Variants in NLRP11 observed in about 807,000 individuals in gnomAD.
NLRP11 encodes NACHT, LRR and PYD domains-containing protein 11.
In NLRP11, 53 loss-of-function variants were observed where a neutral mutation model predicts 79.3. That is an observed-to-expected ratio of 0.67 (90% confidence interval 0.54 to 0.84). The LOEUF is 0.84. Among genes scored for constraint, NLRP11 ranks in the 40% least tolerant of loss-of-function variants. NLRP11 has a pLI of 0.00. For synonymous variants in NLRP11, 518 were observed against 462.6 expected (o/e 1.12, Z -1.54); for missense variants, 1,264 against 1,255.0 (o/e 1.01, Z -0.11).
At chr19:55,815,248 G>T (rs1195881076) in intron 2 of NLRP11, among the ~76,000 whole-genome samples, 1 of 152,162 alleles carries the variant, frequency 6.6e-6, no homozygotes, top group East Asian at 1.9e-4. Context: ...TTAGCAAGAG[G>T]CTGGGCACGG....
Position 55,789,307 on chromosome 19 carries a change from C to T in NLRP11, c.2606G>A (p.Ser869Asn), listed in dbSNP as rs148312368. 2.8e-5 allele frequency: 45 copies of T among 1,614,170 alleles called. No individual in the cohort carries two copies. The highest frequency in any genetic ancestry group is 1.7e-4 in the Middle Eastern group (1 of 6,060). ...CATTCCTGCATCTTCTATTTTGTTG[C>T]TCCCAATCTCCAGGCTCCTCAGTTT... is the stretch of plus-strand genomic sequence containing the variant. Residue 869 changes from serine to asparagine, a missense_variant, in exon 8 of 10, where the codon AGC becomes AAC. Transcript: ENST00000589093.
intron 4 of NLRP11, among the ~76,000 whole-genome samples, chr19:55,806,435 GGA>G (rs1979995030): frequency 6.6e-6 from 1 of 152,050 alleles, no homozygotes; most frequent in Non-Finnish European, 1.5e-5. Flanking sequence ...AAAGATCTTG[GGA>G]CAATTCTCTC....
intron 2 of NLRP11, among the ~76,000 whole-genome samples, chr19:55,816,631 C>T (rs367818462): frequency 3.8e-4 from 58 of 152,258 alleles, no homozygotes; most frequent in African/African-American, 1.3e-3. Flanking sequence ...GAGTCCCCTA[C>T]ATTTCTGTAG....
intron 1 of NLRP11, among the ~76,000 whole-genome samples, chr19:55,823,433 GAGA>G (rs879420718): frequency 1.4e-5 from 2 of 140,130 alleles, no homozygotes; most frequent in South Asian, 2.2e-4. Flanking sequence ...GAGGAGCTGA[GAGA>G]AGAAGGCTTC....
chr19:55,801,808 C>T, intron 4 of NLRP11, 69 bp from the exon 5 acceptor site: 1 of 1,300,118 alleles, frequency 7.7e-7, no homozygotes. Flanking sequence ...TTTCTCCTGC[C>T]TGCCTCACTT....
chr19:55,795,484 CATTTTTT>C (rs981806156), intron 6 of NLRP11, among the ~76,000 whole-genome samples: 47 of 151,744 alleles, frequency 3.1e-4, no homozygotes, highest in Non-Finnish European at 5.8e-4. Context: ...TTGTGACCAC[CATTTTTT>C]ATTTTTTATT....
rs539489980 is a variant in NLRP11 at position 55,804,792 on chromosome 19, CG to C, written c.2004-3054del. On this transcript the variant is annotated intron_variant, in intron 4 of 9. Coordinates refer to ENST00000589093, the Ensembl canonical transcript of NLRP11. ...AAAAATAACAATTCACGGCTGGGTG[CG>C]GTGGCTCACCCCTGTAATCTCAGCA... Among the ~76,000 whole-genome samples the C allele has an allele frequency of 2.9e-3, 432 of 149,914 alleles. 1 individual carries two copies. The highest frequency in any genetic ancestry group is 9.9e-3 in the African/African-American group (400 of 40,486).
chr19:55,812,374 C>T (rs1980687993), intron 2 of NLRP11, among the ~76,000 whole-genome samples: 1 of 152,064 alleles, frequency 6.6e-6, no homozygotes, highest in Non-Finnish European at 1.5e-5. Context: ...TAGAATTGGC[C>T]TAACAAGCAC....
At chr19:55,821,996 C>T (rs903177040) in intron 1 of NLRP11, among the ~76,000 whole-genome samples, 2 of 152,196 alleles carry the variant, frequency 1.3e-5, no homozygotes, top group East Asian at 1.9e-4. Context: ...CAGTGGCTCA[C>T]GCCTGTAATC....
At chr19:55,832,509 C>T (rs1484727363), upstream of NLRP11, among the ~76,000 whole-genome samples, 1 of 152,160 alleles carries the variant, frequency 6.6e-6, no homozygotes, top group Non-Finnish European at 1.5e-5. Flanking sequence ...CCCGTCTTGG[C>T]TGCCTATTGG....
upstream of NLRP11, chr19:55,836,256 CA>C (rs1279210700): frequency 6.6e-6 from 1 of 152,122 alleles, no homozygotes; most frequent in East Asian, 1.9e-4. Context: ...AGAGTCACCC[CA>C]ACTCTCCAAA....
At chr19:55,810,439 T>A in intron 2 of NLRP11, 101 bp from the exon 3 acceptor site, 1 of 1,031,266 alleles carries the variant, frequency 9.7e-7, no homozygotes, top group Non-Finnish European at 1.4e-6. Flanking sequence ...AAAAATATAG[T>A]AGAAATTTTT....
intron 1 of NLRP11, among the ~76,000 whole-genome samples, 186 bp downstream of exon 1, chr19:55,831,777 A>C (rs1982812615): frequency 6.6e-6 from 1 of 151,924 alleles, no homozygotes; most frequent in South Asian, 2.1e-4. Flanking sequence ...AGCATGACCC[A>C]AATTTACTCA....
rs151338044 is a variant in NLRP11 at position 55,805,401 on chromosome 19, G to A, written c.2003+2452C>T. Among the ~76,000 whole-genome samples the A allele has an allele frequency of 7.0e-3, 1,069 of 151,952 alleles. 15 individuals are homozygous for A. The highest frequency in any genetic ancestry group is 0.025 in the African/African-American group (1,026 of 41,406). On this transcript the variant is annotated intron_variant, in intron 4 of 9. Coordinates refer to ENST00000589093, the Ensembl canonical transcript of NLRP11. ...TACTTCCCAGCCTATGTGGCGACTC[G>A]GTGGGAGACTGGATGTTTTCCATGT...
chr19:55,815,066 T>C (rs1980961288), intron 2 of NLRP11, among the ~76,000 whole-genome samples: 1 of 151,648 alleles, frequency 6.6e-6, no homozygotes, highest in South Asian at 2.1e-4. Context: ...CTAAGAAAAA[T>C]GTATGGCCTC....
Position 55,809,794 on chromosome 19 carries a change from C to T in NLRP11, c.816G>A (p.Trp272Ter). 6.2e-7 allele frequency: 1 copy of T among 1,614,164 alleles called. No homozygotes were observed. The highest frequency in any genetic ancestry group is 2.2e-5 in the East Asian group (1 of 44,878). ...GTGTGGGCCTTGAGGAGATGAGGAA[C>T]CAGCAGCCTGGAGCCATTTTTCTCT... The change falls in exon 3 of 10, where the codon TGG becomes TGA. Residue 272 changes from tryptophan to a stop codon, truncating the protein, a stop_gained. Coordinates refer to ENST00000589093, the Ensembl canonical transcript of NLRP11. LOFTEE classifies it high-confidence loss of function. The surrounding 1 kb of genome is among the most constrained non-coding windows in gnomAD (Gnocchi z 4.5).
At chr19:55,803,238 T>C (rs1979654010) in intron 4 of NLRP11, among the ~76,000 whole-genome samples, 2 of 152,016 alleles carry the variant, frequency 1.3e-5, no homozygotes, top group African/African-American at 4.8e-5. Flanking sequence ...TCTCAACTAC[T>C]TGGGAGGCTG....
At chr19:55,794,687 G>A (rs530022883) in intron 6 of NLRP11, among the ~76,000 whole-genome samples, 53 of 152,060 alleles carry the variant, frequency 3.5e-4, no homozygotes, top group Non-Finnish European at 7.2e-4. Flanking sequence ...GTGAACCCGG[G>A]AGGCGGAGCT....
Position 55,806,786 on chromosome 19 carries a change from C to T in NLRP11, c.2003+1067G>A, listed in dbSNP as rs142904669. ...TGCCATACATACTTGTGAGCCATCTCCGTAATACCCTTCCTGCCTCACACT... is the reference window on the plus strand; with the variant it reads ...TGCCATACATACTTGTGAGCCATCTTCGTAATACCCTTCCTGCCTCACACT... On this transcript the variant is annotated intron_variant, in intron 4 of 9. Transcript: ENST00000589093. 8.2e-3 allele frequency among the ~76,000 whole-genome samples: 1,252 copies of T among 152,310 alleles called. 8 individuals are homozygous for T. The highest frequency in any genetic ancestry group is 0.012 in the Non-Finnish European group (840 of 68,030).
Sources: gnomAD v4.1 joint callset for allele counts (sites outside exome capture counted in the v4.1 genomes callset) on GRCh38, gnomAD v4.1.1 for gene constraint, Gnocchi (gnomAD v3.1) non-coding constraint, MANE v1.5 for transcripts, NCBI Gene and HGNC (gene_info 2026-07-23, HGNC 2026-07-21) for gene names.